Variants in ATXN2 observed in about 807,000 individuals in gnomAD.
ATXN2 encodes ataxin 2, also known as ataxin-2.
A neutral mutation model predicts 138.6 loss-of-function variants in ATXN2; 37 were observed. That is an observed-to-expected ratio of 0.27 (90% confidence interval 0.21 to 0.35). ATXN2 has a LOEUF of 0.35. Among genes scored for constraint, ATXN2 ranks in the 10% least tolerant of loss-of-function variants. The pLI is 1.00. For missense variants in ATXN2, 1,216 were observed against 1,480.3 expected, an observed-to-expected ratio of 0.82 and a Z score of 2.93; for synonymous variants, 549 against 543.7, an observed-to-expected ratio of 1.01 and a Z score of -0.13.
Position 111,513,539 on chromosome 12 carries a change from C to T in ATXN2, c.1376G>A (p.Gly459Glu). 3 of 1,608,448 alleles carry T rather than the reference C, an allele frequency of 1.9e-6. No homozygotes were observed. The highest frequency in any genetic ancestry group is 2.5e-6 in the Non-Finnish European group (3 of 1,178,150). ...STMPKRMSSE[G>E]PPRMSPKAQR... is the part of the protein sequence containing the mutation. ...GGCCTTTGGGGACATCCTTGGAGGC[C>T]CTAAGGAAGAAACAGTGAACATCAC... is the stretch of plus-strand genomic sequence containing the variant. The change falls in exon 11 of 25, where the codon GGG becomes GAG. Residue 459 changes from glycine (G) to glutamate (E), a missense_variant and splice_region_variant. Physicochemically the swap from Gly to Glu is moderately conservative, Grantham distance 98 (BLOSUM62 -2). Around this residue, in one of 4 missense-constraint regions of ATXN2, gnomAD observed 401 missense variants for 528.1 expected, o/e 0.76. Transcript: ENST00000673436.
chr12:111,564,513 G>C (rs777446612), intron 1 of ATXN2, among the ~76,000 whole-genome samples: 4 of 150,636 alleles, frequency 2.7e-5, no homozygotes, highest in Non-Finnish European at 4.4e-5. Flanking sequence ...ATGCAACAGA[G>C]AAGCTATATG....
intron 21 of ATXN2, among the ~76,000 whole-genome samples, chr12:111,460,347 T>C (rs1875478721): frequency 6.6e-6 from 1 of 152,250 alleles, no homozygotes; most frequent in South Asian, 2.1e-4. Context: ...GTGCTGGGAC[T>C]ACAGGCGTGA....
intron 1 of ATXN2, among the ~76,000 whole-genome samples, chr12:111,558,018 G>A (rs1029614256): frequency 2.0e-5 from 3 of 152,108 alleles, no homozygotes; most frequent in Admixed American, 1.3e-4. Context: ...GTTCTTTTTA[G>A]TGATTATGTG....
At chr12:111,481,125 C>T (rs1877197414) in intron 18 of ATXN2, among the ~76,000 whole-genome samples, 1 of 151,976 alleles carries the variant, frequency 6.6e-6, no homozygotes, top group African/African-American at 2.4e-5. Flanking sequence ...GCCTGGCCAA[C>T]ATGGTGAAAT....
chr12:111,565,412 A>T (rs1280165069), intron 1 of ATXN2, among the ~76,000 whole-genome samples: 1 of 152,186 alleles, frequency 6.6e-6, no homozygotes, highest in African/African-American at 2.4e-5. Context: ...TGTATACGTT[A>T]TAGTAATCTG....
At chr12:111,545,422 C>T (rs1235916853) in intron 5 of ATXN2, among the ~76,000 whole-genome samples, 1 of 151,302 alleles carries the variant, frequency 6.6e-6, no homozygotes, top group Non-Finnish European at 1.5e-5. Context: ...ATGGTGAAAC[C>T]CCATCTCTAC....
rs985788185 is a variant in ATXN2, at chr12:111,518,510, A to T, written c.987-83T>A. ...CATATCTAAAAGTCATCTAGACAGA[A>T]GGGAATGCTTGTTACAAAAAGGTTC... On this transcript the variant is annotated intron_variant, in intron 8 of 24. Coordinates refer to ENST00000673436, the MANE Select transcript of ATXN2 (RefSeq NM_001372574.1). The T allele has an allele frequency of 8.0e-6, 11 of 1,381,016 alleles. No individual in the cohort carries two copies. In the African/African-American group the frequency reaches 1.6e-4, roughly 20 times the overall value. The allele number at this position is 1,381,016 out of a possible 1,614,324, so 85.5% of individuals were successfully genotyped here.
intron 1 of ATXN2, among the ~76,000 whole-genome samples, chr12:111,589,613 A>T (rs761269448): frequency 6.6e-6 from 1 of 152,054 alleles, no homozygotes; most frequent in Non-Finnish European, 1.5e-5. Context: ...CTCTACCAAT[A>T]ATACAAAAAT....
At chr12:111,542,009 C>A (rs1181501554) in intron 5 of ATXN2, among the ~76,000 whole-genome samples, 1 of 149,324 alleles carries the variant, frequency 6.7e-6, no homozygotes, top group Admixed American at 6.8e-5. Flanking sequence ...CTCAAGTGAT[C>A]GGCCCACCTC....
intron 18 of ATXN2, among the ~76,000 whole-genome samples, chr12:111,478,516 A>G (rs774860596): frequency 2.0e-5 from 3 of 152,218 alleles, no homozygotes; most frequent in Non-Finnish European, 2.9e-5. Flanking sequence ...ATCAGTCATC[A>G]TCAGAGAAAT....
intron 18 of ATXN2, among the ~76,000 whole-genome samples, chr12:111,484,220 A>G (rs942539216): frequency 6.6e-6 from 1 of 151,950 alleles, no homozygotes; most frequent in East Asian, 1.9e-4. Context: ...AATCTAGCAA[A>G]CCCTCTTCTT....
At chr12:111,485,577 A>C in intron 17 of ATXN2, 136 bp downstream of exon 17, 1 of 1,112,410 alleles carries the variant, frequency 9.0e-7, no homozygotes, top group Non-Finnish European at 1.3e-6. Flanking sequence ...CAACACACTG[A>C]ATCTCTGCAT....
At chr12:111,533,397 A>G (rs1231920881) in intron 5 of ATXN2, among the ~76,000 whole-genome samples, 2 of 152,184 alleles carry the variant, frequency 1.3e-5, no homozygotes, top group African/African-American at 2.4e-5. Context: ...TAGGTTACCT[A>G]TAATACCTAA....
In ATXN2 at chr12:111,470,748, GA is replaced by G. The variant is rs373533079; in HGVS notation, c.2525-7del. 1,062 of 1,612,726 alleles carry G rather than the reference GA, an allele frequency of 6.6e-4. 6 individuals are homozygous for G. In the African/African-American group the frequency reaches 0.012, roughly 18 times the overall value. ...CTGTTGGGGCATATTTGGTACTGCA[GA>G]AAAAAAAGCAGACTGCCTATTAAAC... On this transcript the variant is annotated splice_region_variant and splice_polypyrimidine_tract_variant and intron_variant, in intron 18 of 24. Coordinates refer to ENST00000673436, the MANE Select transcript of ATXN2 (RefSeq NM_001372574.1).
chr12:111,453,609 T>C lies in ATXN2; in HGVS notation c.3439+68A>G. 1 of 1,470,940 alleles carries C rather than the reference T, an allele frequency of 6.8e-7. No homozygotes were observed. Among genetic ancestry groups the C allele is most frequent in the Non-Finnish European group, 9.0e-7 (1 of 1,107,406 alleles). 91.1% of individuals were successfully genotyped at this position (1,470,940 alleles called of 1,614,324 possible). ...CGGGGCTTGAAGCACTGGCCCTGCC[T>C]GCCATTCCACCTGTGCGAGCAGAAT... On this transcript the variant is annotated intron_variant, in intron 24 of 24. Transcript: ENST00000673436. The surrounding 1 kb of genome is among the most constrained non-coding windows in gnomAD (Gnocchi z 5.4).
intron 14 of ATXN2, among the ~76,000 whole-genome samples, chr12:111,506,845 T>C (rs1416601604): frequency 6.6e-6 from 1 of 152,198 alleles, no homozygotes; most frequent in Admixed American, 6.5e-5. Context: ...CGTATTTTTT[T>C]GGTGGAGACG....
At chr12:111,565,547 G>A (rs918348874) in intron 1 of ATXN2, among the ~76,000 whole-genome samples, 2 of 152,050 alleles carry the variant, frequency 1.3e-5, no homozygotes, top group African/African-American at 4.8e-5. Flanking sequence ...AATCGTTGAT[G>A]TTACCCTGAT....
At chr12:111,548,139 G>A (rs528454900) in intron 5 of ATXN2, among the ~76,000 whole-genome samples, 5 of 152,054 alleles carry the variant, frequency 3.3e-5, no homozygotes, top group African/African-American at 7.2e-5. Flanking sequence ...GTTGCAGTGC[G>A]CCAAGATCAC....
At chr12:111,579,819 C>A (rs540023777) in intron 1 of ATXN2, among the ~76,000 whole-genome samples, 3 of 151,660 alleles carry the variant, frequency 2.0e-5, no homozygotes, top group South Asian at 4.2e-4. Context: ...CTGTCTCAGC[C>A]CCCCCGAGTA....
Sources: gnomAD v4.1 joint callset for allele counts (sites outside exome capture counted in the v4.1 genomes callset) on GRCh38, gnomAD v4.1.1 for gene constraint, gnomAD v4.1.1 regional missense constraint, Gnocchi (gnomAD v3.1) non-coding constraint, MANE v1.5 for transcripts, NCBI Gene and HGNC (gene_info 2026-07-23, HGNC 2026-07-21) for gene names.